LRRIQ3: variants seen among roughly 807,000 people sequenced by gnomAD.
The protein encoded by LRRIQ3 is leucine-rich repeat and IQ domain-containing protein 3.
Under a neutral mutation model 59.3 loss-of-function variants are expected in LRRIQ3, and 75 were observed. That is an observed-to-expected ratio of 1.26 (90% CI 1.05 to 1.53). LRRIQ3 has a LOEUF of 1.53. Among genes scored for constraint, LRRIQ3 ranks in the 40% most tolerant of loss-of-function variants. The pLI is 0.00. For missense variants in LRRIQ3, 831 were observed against 710.0 expected, an observed-to-expected ratio of 1.17 and a Z score of -1.94; for synonymous variants, 250 against 231.3, an observed-to-expected ratio of 1.08 and a Z score of -0.73.
At chr1:74,081,032 T>C (rs897740796) in intron 5 of LRRIQ3, among the ~76,000 whole-genome samples, 2 of 151,532 alleles carry the variant, frequency 1.3e-5, no homozygotes, top group African/African-American at 4.8e-5. Context: ...AAAAGTTACT[T>C]AAAAAAGATA....
At chr1:74,102,378 A>G (rs547185492) in intron 5 of LRRIQ3, among the ~76,000 whole-genome samples, 5 of 152,120 alleles carry the variant, frequency 3.3e-5, no homozygotes, top group Admixed American at 6.6e-5. Flanking sequence ...AAAATGCCCA[A>G]TGAAACTAAT....
intron 1 of LRRIQ3, among the ~76,000 whole-genome samples, chr1:74,197,047 GTC>G (rs1378717212): frequency 1.3e-5 from 2 of 152,060 alleles, no homozygotes; most frequent in Non-Finnish European, 2.9e-5. Flanking sequence ...TTTCACTCAA[GTC>G]TCTGTATTTT....
chr1:74,170,284 C>T (rs909709709), intron 3 of LRRIQ3, among the ~76,000 whole-genome samples: 1 of 151,992 alleles, frequency 6.6e-6, no homozygotes, highest in Non-Finnish European at 1.5e-5. Context: ...TCCCCTTTTT[C>T]CTTCTAGAAG....
rs555389971 is a variant in LRRIQ3, at chr1:74,185,833, C to G, written c.1-2149G>C. On this transcript the variant is annotated intron_variant, in intron 1 of 7. Coordinates refer to ENST00000354431, the MANE Select transcript of LRRIQ3 (RefSeq NM_001105659.2). ...TGGCGGGCGCCTGTGGTCCCAGCTA[C>G]TCGGGAGGCTGAGGCAGGAGAATGG... Among the ~76,000 whole-genome samples the G allele has an allele frequency of 2.0e-5, 3 of 151,528 alleles. No individual in the cohort carries two copies. The South Asian group carries it at 6.3e-4, about 32-fold the overall frequency.
intron 7 of LRRIQ3, among the ~76,000 whole-genome samples, chr1:74,038,037 C>A (rs1439060084): frequency 6.6e-6 from 1 of 152,216 alleles, no homozygotes; most frequent in African/African-American, 2.4e-5. Flanking sequence ...AACACTGAGA[C>A]TGATAGCTGC....
At chr1:74,124,368 T>G (rs905048917) in intron 4 of LRRIQ3, among the ~76,000 whole-genome samples, 1 of 151,934 alleles carries the variant, frequency 6.6e-6, no homozygotes, top group Non-Finnish European at 1.5e-5. Context: ...TAACTTTATG[T>G]GATCCCATTT....
intron 5 of LRRIQ3, among the ~76,000 whole-genome samples, chr1:74,090,868 T>C (rs1371914456): frequency 5.9e-5 from 9 of 152,066 alleles, no homozygotes; most frequent in Admixed American, 3.3e-4. Context: ...CACTCCAGCC[T>C]GGGCAACAAA....
chr1:74,068,667 G>A (rs1654935483), intron 6 of LRRIQ3, among the ~76,000 whole-genome samples: 1 of 151,890 alleles, frequency 6.6e-6, no homozygotes, highest in South Asian at 2.1e-4. Flanking sequence ...TACATTTTTG[G>A]TTTGTTTGCA....
chr1:74,186,863 C>A (rs1358792628), intron 1 of LRRIQ3, among the ~76,000 whole-genome samples: 2 of 151,832 alleles, frequency 1.3e-5, no homozygotes, highest in Admixed American at 6.6e-5. Flanking sequence ...AATTTGAGAT[C>A]TTTTTGATGT....
At chr1:74,038,695 A>T (rs1653948523) in intron 7 of LRRIQ3, among the ~76,000 whole-genome samples, 1 of 152,176 alleles carries the variant, frequency 6.6e-6, no homozygotes, top group Non-Finnish European at 1.5e-5. Context: ...CTTGAAGCGA[A>T]CCTCTGGCAA....
chr1:74,040,523 T>C (rs1344959413), intron 7 of LRRIQ3, among the ~76,000 whole-genome samples: 1 of 152,194 alleles, frequency 6.6e-6, no homozygotes, highest in Non-Finnish European at 1.5e-5. Context: ...TATTCTAAAA[T>C]TGACCACATA....
chr1:74,101,390 A>G (rs1027184294), intron 5 of LRRIQ3, among the ~76,000 whole-genome samples: 1 of 152,196 alleles, frequency 6.6e-6, no homozygotes, highest in African/African-American at 2.4e-5. Context: ...AATGGCCATC[A>G]TTAAAAAGTC....
chr1:74,163,329 T>A (rs1648769704), intron 3 of LRRIQ3, among the ~76,000 whole-genome samples: 1 of 151,580 alleles, frequency 6.6e-6, no homozygotes, highest in Non-Finnish European at 1.5e-5. Context: ...CACACTAGCA[T>A]GGAATCTTTT....
chr1:74,158,765 T>C (rs1453424213), intron 3 of LRRIQ3, among the ~76,000 whole-genome samples: 1 of 152,160 alleles, frequency 6.6e-6, no homozygotes, highest in East Asian at 1.9e-4. Flanking sequence ...AATAATACTC[T>C]TGGATGCCTT....
At chr1:74,117,203 A>C (rs575930461) in intron 4 of LRRIQ3, among the ~76,000 whole-genome samples, 1 of 152,262 alleles carries the variant, frequency 6.6e-6, no homozygotes, top group African/African-American at 2.4e-5. Flanking sequence ...GAAAGTAAAA[A>C]TATAGATAGA....
At chr1:74,127,120 G>A (rs952395693) in intron 4 of LRRIQ3, among the ~76,000 whole-genome samples, 27 of 151,666 alleles carry the variant, frequency 1.8e-4, no homozygotes, top group Admixed American at 7.9e-4. Flanking sequence ...CTTTGCCTCC[G>A]TTTATAGTTT....
chr1:74,123,412 G>T (rs1646890279), intron 4 of LRRIQ3, among the ~76,000 whole-genome samples: 1 of 151,654 alleles, frequency 6.6e-6, no homozygotes, highest in Non-Finnish European at 1.5e-5. Flanking sequence ...ACATCTAACT[G>T]TATTTTTATG....
At chr1:74,098,079 C>A (rs1045322822) in intron 5 of LRRIQ3, among the ~76,000 whole-genome samples, 3 of 152,016 alleles carry the variant, frequency 2.0e-5, no homozygotes, top group African/African-American at 7.2e-5. Context: ...TGTAAATGGG[C>A]TAAATGCCCC....
Position 74,175,644 on chromosome 1 carries a change from G to C in LRRIQ3, c.573+6894C>G, listed in dbSNP as rs145448392. ...TACTGGGTGCTGTAACCTCTCCCCTGGGTTCTGGAATTCTCACAAAGGCAT... is the reference window on the plus strand; with the variant it reads ...TACTGGGTGCTGTAACCTCTCCCCTCGGTTCTGGAATTCTCACAAAGGCAT... On this transcript the variant is annotated intron_variant, in intron 3 of 7. Coordinates refer to ENST00000354431, the MANE Select transcript of LRRIQ3 (RefSeq NM_001105659.2). Among the ~76,000 whole-genome samples, 40 of 152,130 alleles carry C rather than the reference G, an allele frequency of 2.6e-4. No homozygotes were observed. In the East Asian group the frequency reaches 7.5e-3, roughly 29 times the overall value.
Sources: allele counts gnomAD v4.1 joint callset (sites outside exome capture counted in the v4.1 genomes callset), GRCh38; gene constraint gnomAD v4.1.1; transcripts MANE v1.5; gene names NCBI Gene and HGNC (gene_info 2026-07-23, HGNC 2026-07-21).